Variants in SPTBN1 observed in about 807,000 individuals in gnomAD.
The protein encoded by SPTBN1 is spectrin beta, non-erythrocytic 1.
Under a neutral mutation model 266.4 loss-of-function variants are expected in SPTBN1, and 32 were observed. The ratio of observed to expected loss-of-function variants is 0.12; its 90% CI spans 0.09 to 0.16. The LOEUF (loss-of-function observed/expected upper bound fraction) is 0.16. Ranked by LOEUF, SPTBN1 falls within the 10% of genes least tolerant of loss-of-function variation. The pLI, the probability that SPTBN1 is intolerant of heterozygous loss-of-function variation, is 1.00. For missense variants in SPTBN1, 2,296 were observed against 3,067.1 expected (o/e 0.75, Z 5.94); for synonymous variants, 1,336 against 1,162.2 (o/e 1.15, Z -3.04).
At chr2:54,563,316 C>G (rs890104136) in intron 2 of SPTBN1, among the ~76,000 whole-genome samples, 3 of 152,094 alleles carry the variant, frequency 2.0e-5, no homozygotes, top group Non-Finnish European at 4.4e-5. Flanking sequence ...TTTCTGTCTG[C>G]TTTGCAGCCA....
Position 54,649,186 on chromosome 2 carries a change from T to C in SPTBN1, c.5198T>C (p.Val1733Ala), listed in dbSNP as rs1299946738. 1 of 1,596,382 alleles carries C rather than the reference T, an allele frequency of 6.3e-7. No homozygotes were observed. Among genetic ancestry groups the C allele is most frequent in the Admixed American group, 1.7e-5 (1 of 59,700 alleles). ...GAACTGGGACAGGACTATGAGCATG[T>C]CACGGCAAGTACTTGAGGCAGTGCA... is the stretch of plus-strand genomic sequence containing the variant. ...SHELGQDYEHVTMLQERFREF... is the reference protein window; with the variant it reads ...SHELGQDYEHATMLQERFREF... Residue 1733 changes from valine (V) to alanine (A), a missense_variant, in exon 25 of 36, where the codon GTC (valine) becomes GCC (alanine). Physicochemically the swap from Val to Ala is moderately conservative, Grantham distance 64. Around this residue, in one of 12 missense-constraint regions of SPTBN1, gnomAD observed 644 missense variants for 745.3 expected, o/e 0.86. Transcript: ENST00000356805. The surrounding 1 kb of genome is among the most constrained non-coding windows in gnomAD (Gnocchi z 6.7).
intron 1 of SPTBN1, among the ~76,000 whole-genome samples, chr2:54,493,413 G>GGGGGGA (rs1553433736): frequency 1.1e-5 from 1 of 87,346 alleles, no homozygotes; most frequent in Non-Finnish European, 2.6e-5. Flanking sequence ...TTTCTTTTTT[G>GGGGGGA]GGGGGTTGGG....
At chr2:54,528,672 T>A (rs977353740) in intron 2 of SPTBN1, 2 of 150,046 alleles carry the variant, frequency 1.3e-5, no homozygotes, top group Non-Finnish European at 2.9e-5. Context: ...CTCTGCAGTG[T>A]ATACTCTTTT....
chr2:54,662,893 A>C (rs927725829), intron 32 of SPTBN1: 3 of 151,824 alleles, frequency 2.0e-5, no homozygotes, highest in African/African-American at 7.3e-5. Flanking sequence ...GCGCACACAC[A>C]CCCCCACAAG....
At chr2:54,545,793 G>C (rs1263467699) in intron 2 of SPTBN1, among the ~76,000 whole-genome samples, 1 of 152,004 alleles carries the variant, frequency 6.6e-6, no homozygotes, top group Non-Finnish European at 1.5e-5. Flanking sequence ...TGGATTCTGA[G>C]GGCCCTCAGA....
At chr2:54,602,821 A>G (rs2103718561) in intron 3 of SPTBN1, among the ~76,000 whole-genome samples, 1 of 152,348 alleles carries the variant, frequency 6.6e-6, no homozygotes, top group African/African-American at 2.4e-5. Context: ...AGATTTGTTA[A>G]GCCTCAAATC....
intron 1 of SPTBN1, among the ~76,000 whole-genome samples, chr2:54,483,366 G>C (rs996481828): frequency 6.6e-6 from 1 of 152,200 alleles, no homozygotes; most frequent in Non-Finnish European, 1.5e-5. Flanking sequence ...ATCCAAGGAA[G>C]GTAGGGTCAC....
In SPTBN1 at chr2:54,519,017, A is replaced by T. The variant is rs1194819738; in HGVS notation, c.-47-7355A>T. 4.7e-5 allele frequency among the ~76,000 whole-genome samples: 7 copies of T among 148,870 alleles called. 1 individual carries two copies. The highest frequency in any genetic ancestry group is 4.2e-4 in the South Asian group (2 of 4,712). Reference sequence around the variant, plus strand: ...CACTCTTTCATTAGCAGCCTATTTTAAAAAATGTGACTTCCTTGAAAGCAG... The same window carrying T: ...CACTCTTTCATTAGCAGCCTATTTTTAAAAATGTGACTTCCTTGAAAGCAG... On this transcript the variant is annotated intron_variant, in intron 1 of 35. Transcript: ENST00000356805.
intron 2 of SPTBN1, chr2:54,527,461 A>G (rs1161588960): frequency 6.6e-6 from 1 of 152,216 alleles, no homozygotes; most frequent in East Asian, 1.9e-4. Flanking sequence ...TGAAGCATGC[A>G]TCATTTAGAG....
At chr2:54,560,469 G>T (rs750250802) in intron 2 of SPTBN1, among the ~76,000 whole-genome samples, 5 of 152,172 alleles carry the variant, frequency 3.3e-5, no homozygotes, top group Non-Finnish European at 7.3e-5. Context: ...AAGGGCTGAG[G>T]AAGGTTTTAA....
intron 29 of SPTBN1, 75 bp from the exon 30 acceptor site, chr2:54,657,775 G>C: frequency 1.0e-5 from 16 of 1,573,622 alleles, no homozygotes; most frequent in Non-Finnish European, 1.4e-5. Flanking sequence ...GAGGGCAGCA[G>C]TGCCAAGAGG....
intron 18 of SPTBN1, among the ~76,000 whole-genome samples, chr2:54,642,589 G>C (rs1004318975): frequency 1.3e-5 from 2 of 149,946 alleles, no homozygotes; most frequent in Non-Finnish European, 2.9e-5. Context: ...GCCAAATGGA[G>C]TAAAAGTCAA....
chr2:54,526,077 G>C (rs2104321794), intron 1 of SPTBN1, among the ~76,000 whole-genome samples: 1 of 152,324 alleles, frequency 6.6e-6, no homozygotes, highest in East Asian at 1.9e-4. Flanking sequence ...TTAGAAAGAA[G>C]GAATAAACCC....
At chr2:54,618,468 C>T (rs1677778636) in intron 7 of SPTBN1, among the ~76,000 whole-genome samples, 2 of 152,128 alleles carry the variant, frequency 1.3e-5, no homozygotes, top group South Asian at 4.1e-4. Flanking sequence ...AGAAGGTATG[C>T]TTGAGGGCTA....
chr2:54,603,675 T>G (rs1242718043), intron 3 of SPTBN1, among the ~76,000 whole-genome samples: 1 of 152,206 alleles, frequency 6.6e-6, no homozygotes, highest in Non-Finnish European at 1.5e-5. Flanking sequence ...GCTCAAAGTT[T>G]CATGTGTTGG....
rs756651129 is a variant in SPTBN1, at chr2:54,626,373, C to G, written c.1644+139C>G. ...ATGTACAGCTAGAGAGGAGCCACATCACCCATGGGAAGATTGCTAGCTCAG... is the reference window on the plus strand; with the variant it reads ...ATGTACAGCTAGAGAGGAGCCACATGACCCATGGGAAGATTGCTAGCTCAG... On this transcript the variant is annotated intron_variant, in intron 12 of 35. Coordinates refer to ENST00000356805, the MANE Select transcript of SPTBN1 (RefSeq NM_003128.3). This position sits in a 1 kb window ranked among gnomAD's most constrained non-coding sequence, Gnocchi z 4.7. 9.0e-7 allele frequency: 1 copy of G among 1,111,184 alleles called. No individual in the cohort carries two copies. The highest frequency in any genetic ancestry group is 1.3e-6 in the Non-Finnish European group (1 of 791,608). The allele number at this position is 1,111,184 out of a possible 1,614,324, so 68.8% of individuals were successfully genotyped here.
At chr2:54,472,660 C>T (rs1467985356) in intron 1 of SPTBN1, among the ~76,000 whole-genome samples, 1 of 151,652 alleles carries the variant, frequency 6.6e-6, no homozygotes, top group East Asian at 1.9e-4. Flanking sequence ...AGACTTGAGC[C>T]TGATGGTGAT....
intron 2 of SPTBN1, among the ~76,000 whole-genome samples, chr2:54,545,992 G>T (rs1466360750): frequency 6.6e-6 from 1 of 152,166 alleles, no homozygotes; most frequent in Non-Finnish European, 1.5e-5. Context: ...TCTGACTCAA[G>T]ACCTAGTCTC....
chr2:54,461,584 G>T (rs1375845106), intron 1 of SPTBN1, among the ~76,000 whole-genome samples: 3 of 152,226 alleles, frequency 2.0e-5, no homozygotes, highest in Non-Finnish European at 4.4e-5. Context: ...AAGTGTTACA[G>T]TTCCAAAGCC....
Sources: allele counts gnomAD v4.1 joint callset (sites outside exome capture counted in the v4.1 genomes callset), GRCh38; gene constraint gnomAD v4.1.1; regional missense constraint gnomAD v4.1.1; non-coding constraint Gnocchi (gnomAD v3.1); transcripts MANE v1.5; gene names NCBI Gene and HGNC (gene_info 2026-07-23, HGNC 2026-07-21).